Variants in ZNF675 observed in about 807,000 individuals in gnomAD.
ZNF675 encodes zinc finger protein 675, also known as TRAF6 inhibitory zinc finger.
A neutral mutation model predicts 56.1 loss-of-function variants in ZNF675; 36 were observed. That is an observed-to-expected ratio of 0.64 (90% CI 0.49 to 0.85). ZNF675 has a LOEUF of 0.85. Among genes scored for constraint, ZNF675 ranks in the 40% least tolerant of loss-of-function variants. The probability of loss-of-function intolerance (pLI) is 0.00; values close to 1 mark genes in which losing one functional copy is unlikely to be tolerated. For missense variants in ZNF675, 663 were observed against 654.2 expected, an observed-to-expected ratio of 1.01 and a Z score of -0.15; for synonymous variants, 200 against 218.9, an observed-to-expected ratio of 0.91 and a Z score of 0.76.
chr19:23,678,030 G>A (rs1453438430), intron 1 of ZNF675, among the ~76,000 whole-genome samples: 1 of 151,488 alleles, frequency 6.6e-6, no homozygotes, highest in East Asian at 1.9e-4. Flanking sequence ...TGAGGCAGAT[G>A]AATCACTTGA....
rs1274145384 is a variant in ZNF675 at position 23,687,134 on chromosome 19, G to C, written c.-101C>G. 2 of 1,459,986 alleles carry C rather than the reference G, an allele frequency of 1.4e-6. No homozygotes were observed. The highest frequency in any genetic ancestry group is 1.1e-5 in the South Asian group (1 of 87,492). 90.4% of individuals were successfully genotyped at this position (1,459,986 alleles called of 1,614,324 possible). A position where few individuals can be genotyped will look rare whatever the true frequency, so the allele number is the denominator to read the frequency against. On this transcript the variant is annotated 5_prime_UTR_variant, in exon 1 of 4. Coordinates refer to ENST00000359788, the MANE Select transcript of ZNF675 (RefSeq NM_138330.3). ...TGGACCTCTAGGAGCAGAGGACACA[G>C]AGCAATGAAAGCGAGACCTGGAGCT...
At chr19:23,660,517 C>G (rs1260509168) in intron 3 of ZNF675, among the ~76,000 whole-genome samples, 3 of 151,970 alleles carry the variant, frequency 2.0e-5, no homozygotes, top group African/African-American at 7.2e-5. Flanking sequence ...CTCAGTAAAT[C>G]AGAAAAATAT....
intron 1 of ZNF675, among the ~76,000 whole-genome samples, chr19:23,670,260 G>A (rs1482592267): frequency 6.6e-6 from 1 of 152,036 alleles, no homozygotes; most frequent in African/African-American, 2.4e-5. Context: ...AATACTGTCT[G>A]GCCCTATTAT....
rs1242385726 is a variant in ZNF675 at position 23,654,449 on chromosome 19, G to A, written c.484C>T (p.His162Tyr). Residue 162 changes from histidine to tyrosine, a missense_variant, in exon 4 of 4, where the codon CAT (histidine) becomes TAT (tyrosine). By Grantham distance (83) the His-to-Tyr change is moderately conservative (BLOSUM62 2). This residue lies in a region of ZNF675 where 617 missense variants were observed against 590.5 expected (regional missense o/e 1.04). Transcript: ENST00000359788. The part of the protein sequence containing the change: ...VFNKFSHSDR[H>Y]KIKHMENKPF... ...TTATTTTCCATATGTTTTATCTTAT[G>A]TCTATCTGAATGTGAAAATTTATTA... is the stretch of plus-strand genomic sequence containing the variant. The A allele has an allele frequency of 1.2e-6, 2 of 1,605,612 alleles. No homozygotes were observed. The highest frequency in any genetic ancestry group is 8.5e-7 in the Non-Finnish European group (1 of 1,176,742).
intron 1 of ZNF675, among the ~76,000 whole-genome samples, chr19:23,681,748 A>G (rs8102869): frequency 0.97 from 147,270 of 151,726 alleles, 71,778 homozygotes; most frequent in Middle Eastern, 1. Flanking sequence ...ATAACTGGGG[A>G]CTCCCAGAAC....
chr19:23,675,244 T>C (rs543565529), intron 1 of ZNF675, among the ~76,000 whole-genome samples: 1 of 151,568 alleles, frequency 6.6e-6, no homozygotes, highest in Non-Finnish European at 1.5e-5. Context: ...GTTGGATTCT[T>C]ACACAAAAAT....
At chr19:23,655,601 T>TCC (rs1439723950) in intron 3 of ZNF675, 1 of 151,882 alleles carries the variant, frequency 6.6e-6, no homozygotes, top group African/African-American at 2.4e-5. Context: ...CCTAAGCACC[T>TCC]CCCACTAGGT....
chr19:23,678,247 C>T (rs1968326125), intron 1 of ZNF675, among the ~76,000 whole-genome samples: 1 of 144,962 alleles, frequency 6.9e-6, no homozygotes, highest in South Asian at 2.1e-4. Context: ...TTCTATGAAA[C>T]TATCAAAAAT....
At chr19:23,683,987 C>T (rs1042504159) in intron 1 of ZNF675, among the ~76,000 whole-genome samples, 8 of 152,052 alleles carry the variant, frequency 5.3e-5, no homozygotes, top group East Asian at 1.9e-4. Flanking sequence ...ACTGACTGGG[C>T]GTGGTGGCTC....
At chr19:23,666,762 GTCTTTCTCTCTTTTTCTCTTTCTCTC>G (rs200607959) in intron 1 of ZNF675, among the ~76,000 whole-genome samples, 25,101 of 147,344 alleles carry the variant, frequency 0.17, 2,918 homozygotes, top group East Asian at 0.52. Flanking sequence ...ATACAGGGAA[GTCTTTCTCTCTTTTTCTCTTTCTCTC>G]TCTTTCTCTC....
intron 1 of ZNF675, among the ~76,000 whole-genome samples, chr19:23,670,445 C>G (rs59570020): frequency 4.0e-5 from 6 of 150,854 alleles, no homozygotes; most frequent in African/African-American, 1.2e-4. Context: ...AACCTACCCC[C>G]CAAAGGAAAG....
chr19:23,658,516 C>T (rs1428619749), intron 3 of ZNF675: 1 of 151,716 alleles, frequency 6.6e-6, no homozygotes, highest in East Asian at 2.0e-4. Context: ...CCCATCTCTA[C>T]TAAAAGTACA....
At chr19:23,678,279 C>T (rs1362301044) in intron 1 of ZNF675, among the ~76,000 whole-genome samples, 8 of 118,496 alleles carry the variant, frequency 6.8e-5, no homozygotes, top group South Asian at 5.2e-4. Flanking sequence ...TTTTTTTTGA[C>T]GGAGTTTGGT....
chr19:23,682,960 C>CA lies in ZNF675; in HGVS notation c.3+4070dup, dbSNP rs1411950240. Among the ~76,000 whole-genome samples the CA allele has an allele frequency of 3.3e-5, 5 of 151,606 alleles. No individual in the cohort carries two copies. The East Asian group carries it at 9.7e-4, about 29-fold the overall frequency. On this transcript the variant is annotated intron_variant, in intron 1 of 3. Coordinates refer to ENST00000359788, the MANE Select transcript of ZNF675 (RefSeq NM_138330.3). ...TCCCAGCACTTTGGGAGGCCAAGGC[C>CA]AGCAGGTCACCTGAAGTCAGGAGTT...
chr19:23,661,935 A>G, intron 3 of ZNF675, 179 bp downstream of exon 3: 1 of 529,346 alleles, frequency 1.9e-6, no homozygotes, highest in Non-Finnish European at 3.4e-6. Context: ...AACCTTAGAG[A>G]ATTTAAAAGC....
At position 23,667,584 on chromosome 19, in the gene ZNF675, CTAGA is replaced by C. The variant is rs1425963054; in HGVS notation, c.4-4430_4-4427del. ...GTTCTCCAAGGCCCCACCAGAGTAGCTAGATAGAGTGTCGATTGGTGCACTCACA... is the reference window on the plus strand; with the variant it reads ...GTTCTCCAAGGCCCCACCAGAGTAGCTAGAGTGTCGATTGGTGCACTCACA... On this transcript the variant is annotated intron_variant, in intron 1 of 3. Coordinates refer to ENST00000359788, the MANE Select transcript of ZNF675 (RefSeq NM_138330.3). Among the ~76,000 whole-genome samples, 17 of 152,182 alleles carry C rather than the reference CTAGA, an allele frequency of 1.1e-4. No homozygotes were observed. The South Asian group carries it at 1.9e-3, about 17-fold the overall frequency.
intron 1 of ZNF675, among the ~76,000 whole-genome samples, chr19:23,665,742 G>A (rs930733788): frequency 6.6e-6 from 1 of 151,992 alleles, no homozygotes; most frequent in Non-Finnish European, 1.5e-5. Context: ...CTAGTGATTC[G>A]CCCAACTTGG....
chr19:23,668,185 CAG>C (rs1968179979), intron 1 of ZNF675, among the ~76,000 whole-genome samples: 1 of 151,440 alleles, frequency 6.6e-6, no homozygotes, highest in Non-Finnish European at 1.5e-5. Flanking sequence ...GAGCTAGATA[CAG>C]AGTGCCGATT....
At chr19:23,673,450 C>T (rs570169731) in intron 1 of ZNF675, among the ~76,000 whole-genome samples, 1 of 152,264 alleles carries the variant, frequency 6.6e-6, no homozygotes, top group African/African-American at 2.4e-5. Flanking sequence ...CTGGCCTAGC[C>T]CCTCCAGAAG....
Sources: gnomAD v4.1 joint callset for allele counts (sites outside exome capture counted in the v4.1 genomes callset) on GRCh38, gnomAD v4.1.1 for gene constraint, gnomAD v4.1.1 regional missense constraint, MANE v1.5 for transcripts, NCBI Gene and HGNC (gene_info 2026-07-23, HGNC 2026-07-21) for gene names.